Variants in GRAMD4 observed in about 807,000 individuals in gnomAD.
GRAMD4 encodes GRAM domain containing 4.
A neutral mutation model predicts 83.9 loss-of-function variants in GRAMD4; 25 were observed. The ratio of observed to expected loss-of-function variants is 0.30; its 90% CI spans 0.22 to 0.42. The LOEUF (loss-of-function observed/expected upper bound fraction) is 0.42. Among genes scored for constraint, GRAMD4 ranks in the 10% least tolerant of loss-of-function variants. The pLI, the probability that GRAMD4 is intolerant of heterozygous loss-of-function variation, is 1.00. For missense variants in GRAMD4, 593 were observed against 788.7 expected, an observed-to-expected ratio of 0.75 and a Z score of 2.97; for synonymous variants, 336 against 320.9, an observed-to-expected ratio of 1.05 and a Z score of -0.50.
Position 46,678,116 on chromosome 22 carries a change from T to A in GRAMD4, c.*865T>A. On this transcript the variant is annotated 3_prime_UTR_variant, in exon 19 of 19. Coordinates refer to ENST00000406902, the MANE Select transcript of GRAMD4 (RefSeq NM_015124.5). ...GGCCCAGGAGAACATCCGCGAAGGC[T>A]GTTGGAGGTGCTCCGAGCACTGTGG... 5 of 985,594 alleles carry A rather than the reference T, an allele frequency of 5.1e-6. No individual in the cohort carries two copies. The highest frequency in any genetic ancestry group is 6.0e-6 in the Non-Finnish European group (5 of 830,034). 61.1% of individuals were successfully genotyped at this position (985,594 alleles called of 1,614,324 possible).
At chr22:46,605,141 G>C (rs111737575) in intron 1 of GRAMD4, among the ~76,000 whole-genome samples, 39 of 116,452 alleles carry the variant, frequency 3.3e-4, no homozygotes, top group East Asian at 1.4e-3. Context: ...CCATAATGTT[G>C]TCTGGGTTCA....
At chr22:46,679,951 C>T (rs1452104334), downstream of GRAMD4, among the ~76,000 whole-genome samples, 3 of 152,162 alleles carry the variant, frequency 2.0e-5, no homozygotes, top group African/African-American at 4.8e-5. Context: ...GCCTGAGTGA[C>T]GGCTGTGGGG....
intron 9 of GRAMD4, among the ~76,000 whole-genome samples, chr22:46,666,146 G>A (rs540428993): frequency 4.6e-5 from 7 of 152,302 alleles, no homozygotes; most frequent in South Asian, 4.1e-4. Context: ...TGACTGACGC[G>A]TTAACCCCAA....
At chr22:46,666,031 T>C (rs939603331) in intron 9 of GRAMD4, among the ~76,000 whole-genome samples, 6 of 152,222 alleles carry the variant, frequency 3.9e-5, no homozygotes, top group Non-Finnish European at 8.8e-5. Context: ...CAAACAGGGC[T>C]CCACGCCCCG....
intron 3 of GRAMD4, among the ~76,000 whole-genome samples, chr22:46,641,175 C>T (rs1009138701): frequency 7.9e-5 from 12 of 152,128 alleles, no homozygotes; most frequent in Admixed American, 2.0e-4. Flanking sequence ...CGGGTTCAAG[C>T]GATTCTCTGG....
intron 2 of GRAMD4, among the ~76,000 whole-genome samples, chr22:46,634,411 G>A (rs1186908550): frequency 6.6e-6 from 1 of 152,232 alleles, no homozygotes; most frequent in Non-Finnish European, 1.5e-5. Context: ...AGATAGGTGT[G>A]CATCTCCAAA....
intron 1 of GRAMD4, among the ~76,000 whole-genome samples, chr22:46,579,843 C>T (rs372279984): frequency 3.3e-5 from 5 of 152,256 alleles, no homozygotes; most frequent in East Asian, 1.9e-4. Flanking sequence ...GCTGGGGAGG[C>T]GTCCCTGTAT....
downstream of GRAMD4, among the ~76,000 whole-genome samples, chr22:46,681,087 G>A (rs2146528562): frequency 6.6e-6 from 1 of 151,756 alleles, no homozygotes; most frequent in Non-Finnish European, 1.5e-5. Flanking sequence ...TCTGTCCTCT[G>A]CAACAGGTCC....
At chr22:46,674,476 CT>C in intron 15 of GRAMD4, 180 bp from the exon 16 acceptor site, 2 of 621,738 alleles carry the variant, frequency 3.2e-6, no homozygotes, top group Middle Eastern at 7.5e-4. Context: ...GAGGAAACAT[CT>C]GTTTTCCACC....
In GRAMD4 at chr22:46,603,513, C is replaced by CTTTTTTTTT. The variant is rs1569254347; in HGVS notation, c.-49-23237_-49-23236insTTTTTTTTT. On this transcript the variant is annotated intron_variant, in intron 1 of 1. Transcript: ENST00000431155. ...CATGAGCCACCGCGCCCGGCCTCTT[C>CTTTTTTTTT]TCTTTTTTTTTTTTTTTTTTTGAGA... is the stretch of plus-strand genomic sequence containing the variant. Among the ~76,000 whole-genome samples the CTTTTTTTTT allele has an allele frequency of 1.1e-3, 115 of 105,990 alleles. 24 individuals carry two copies. The highest frequency in any genetic ancestry group is 1.5e-3 in the African/African-American group (40 of 27,518). 69.5% of individuals were successfully genotyped at this position (105,990 alleles called of 152,430 possible).
chr22:46,644,028 C>G (rs1372424477), intron 3 of GRAMD4, among the ~76,000 whole-genome samples: 4 of 152,200 alleles, frequency 2.6e-5, no homozygotes, highest in Non-Finnish European at 4.4e-5. Flanking sequence ...ATTCTTCCAA[C>G]TGAAATTTTT....
chr22:46,577,152 G>C (rs2081049581), exon 1 of GRAMD4: 5 of 337,122 alleles, frequency 1.5e-5, no homozygotes, highest in South Asian at 1.2e-4. Context: ...GCTCGTGGCC[G>C]GGACCCGCGG....
chr22:46,577,179 C>A, exon 1 of GRAMD4: 1 of 610,256 alleles, frequency 1.6e-6, no homozygotes. Context: ...CTCCTCCCGG[C>A]TCCCCGGCGC....
chr22:46,644,257 C>T (rs1247889703), intron 3 of GRAMD4, among the ~76,000 whole-genome samples: 2 of 152,128 alleles, frequency 1.3e-5, no homozygotes, highest in Non-Finnish European at 2.9e-5. Flanking sequence ...TGTCCCTGTT[C>T]CGTATTACAT....
chr22:46,652,818 G>T (rs1555970366), intron 3 of GRAMD4, among the ~76,000 whole-genome samples: 1 of 152,220 alleles, frequency 6.6e-6, no homozygotes, highest in Non-Finnish European at 1.5e-5. Context: ...CGGCCCTCCT[G>T]TTTCTTTTCT....
At chr22:46,592,809 T>C (rs558017384) in intron 1 of GRAMD4, among the ~76,000 whole-genome samples, 1 of 152,306 alleles carries the variant, frequency 6.6e-6, no homozygotes, top group South Asian at 2.1e-4. Context: ...CCTGCCTTGC[T>C]TTCAGTTCCA....
chr22:46,647,706 C>T (rs953115391), intron 3 of GRAMD4, among the ~76,000 whole-genome samples: 8 of 152,254 alleles, frequency 5.3e-5, no homozygotes, highest in Admixed American at 6.5e-5. Flanking sequence ...CCTCTCTAGT[C>T]ACTGCGTCCC....
In GRAMD4 at chr22:46,603,716, A is replaced by C. The variant is rs560435502; in HGVS notation, c.-49-23035A>C. ...TATTTTTAGTAGAGACGGGGTTTCA[A>C]TGTGTTAGCCAGGATGGTCTCGATC... is the stretch of plus-strand genomic sequence containing the variant. On this transcript the variant is annotated intron_variant, in intron 1 of 1. Coordinates refer to the GRAMD4 transcript ENST00000431155. Among the ~76,000 whole-genome samples the C allele has an allele frequency of 7.9e-4, 97 of 123,356 alleles. No individual in the cohort carries two copies. The South Asian group carries it at 9.3e-3, about 12-fold the overall frequency. 80.9% of individuals were successfully genotyped at this position (123,356 alleles called of 152,430 possible). A position where few individuals can be genotyped will look rare whatever the true frequency, so the allele number is the denominator to read the frequency against.
intron 6 of GRAMD4, among the ~76,000 whole-genome samples, chr22:46,663,486 C>T (rs1316717772): frequency 6.6e-6 from 1 of 152,218 alleles, no homozygotes. Flanking sequence ...ATCAGTAAAC[C>T]TTGGTTCCCC....
Sources: gnomAD v4.1 joint callset for allele counts (sites outside exome capture counted in the v4.1 genomes callset) on GRCh38, gnomAD v4.1.1 for gene constraint, MANE v1.5 for transcripts, NCBI Gene and HGNC (gene_info 2026-07-23, HGNC 2026-07-21) for gene names.